LRBA: variants seen among roughly 807,000 people sequenced by gnomAD.
The protein encoded by LRBA is LPS responsive beige-like anchor protein.
In LRBA, 176 loss-of-function variants were observed where a neutral mutation model predicts 330.0. The observed-to-expected ratio is 0.53, with a 90% CI of 0.47 to 0.60. The LOEUF (loss-of-function observed/expected upper bound fraction) is 0.60. Ranked by LOEUF, LRBA falls within the 20% of genes least tolerant of loss-of-function variation. The pLI, the probability that LRBA is intolerant of heterozygous loss-of-function variation, is 0.00. For synonymous variants in LRBA, 1,230 were observed against 1,193.0 expected, an observed-to-expected ratio of 1.03 and a Z score of -0.64; for missense variants, 3,259 against 3,444.8, an observed-to-expected ratio of 0.95 and a Z score of 1.35.
intron 40 of LRBA, among the ~76,000 whole-genome samples, chr4:150,563,784 AT>A (rs534982396): frequency 7.8e-4 from 119 of 152,274 alleles, no homozygotes; most frequent in African/African-American, 2.5e-3. Flanking sequence ...CCCATTCACA[AT>A]TGCAACAAAG....
chr4:150,643,029 T>C (rs1778827345), intron 37 of LRBA, among the ~76,000 whole-genome samples: 1 of 151,904 alleles, frequency 6.6e-6, no homozygotes, highest in Non-Finnish European at 1.5e-5. Context: ...CATAAAAATT[T>C]TGTACATAGA....
intron 44 of LRBA, among the ~76,000 whole-genome samples, chr4:150,459,498 C>T (rs141314138): frequency 6.6e-6 from 1 of 151,978 alleles, no homozygotes; most frequent in East Asian, 1.9e-4. Context: ...GTGTGACCTC[C>T]CAGAATTCTT....
intron 53 of LRBA, among the ~76,000 whole-genome samples, chr4:150,292,423 T>A (rs537465329): frequency 5.9e-5 from 9 of 152,208 alleles, no homozygotes; most frequent in Admixed American, 2.6e-4. Flanking sequence ...CACTTGTAGG[T>A]TAAATATGTT....
At chr4:150,735,631 T>C (rs1306162496) in intron 35 of LRBA, among the ~76,000 whole-genome samples, 9 of 152,206 alleles carry the variant, frequency 5.9e-5, no homozygotes, top group Non-Finnish European at 1.3e-4. Flanking sequence ...TGTTTTAATC[T>C]TTTAAAATGC....
intron 28 of LRBA, among the ~76,000 whole-genome samples, chr4:150,836,745 G>A (rs1199060489): frequency 6.6e-6 from 1 of 152,056 alleles, no homozygotes; most frequent in African/African-American, 2.4e-5. Context: ...CAAAAAACCA[G>A]CTCCTGGATT....
intron 14 of LRBA, among the ~76,000 whole-genome samples, chr4:150,899,259 CTGAATT>C (rs1418768074): frequency 6.6e-6 from 1 of 152,174 alleles, no homozygotes; most frequent in Non-Finnish European, 1.5e-5. Flanking sequence ...TGCTCTTACA[CTGAATT>C]TAAGTTGTTA....
chr4:150,504,152 A>G (rs962282902), intron 40 of LRBA, among the ~76,000 whole-genome samples: 17 of 152,228 alleles, frequency 1.1e-4, no homozygotes, highest in Non-Finnish European at 1.6e-4. Flanking sequence ...AATGGAACCA[A>G]GTTGGAAAAC....
chr4:150,841,830 G>C (rs1008036095), intron 28 of LRBA, among the ~76,000 whole-genome samples: 14 of 151,850 alleles, frequency 9.2e-5, no homozygotes, highest in African/African-American at 3.4e-4. Flanking sequence ...TTCTGCTTTT[G>C]TATTTTTAGT....
rs1749405802 is a variant in LRBA at position 150,451,111 on chromosome 4, A to G, written c.6781-14247T>C. Among the ~76,000 whole-genome samples, 2 of 152,204 alleles carry G rather than the reference A, an allele frequency of 1.3e-5. 1 individual carries two copies. ...GAAAATATAGACAAATCTAACTTAT[A>G]GTTGGAGACTTCAACACTCTTCTTT... On this transcript the variant is annotated intron_variant, in intron 44 of 56. Transcript: ENST00000651943.
At chr4:150,418,402 C>A (rs2656309) in intron 46 of LRBA, among the ~76,000 whole-genome samples, 2,745 of 152,136 alleles carry the variant, frequency 0.018, 75 homozygotes, top group African/African-American at 0.063. Flanking sequence ...AGCAAAACCA[C>A]CCATAAAACA....
In LRBA at chr4:150,361,879, C is replaced by T. The variant is rs113642898; in HGVS notation, c.7195-11720G>A. ...TCCGCCTCCCGGGTTCATGCCCATT[C>T]TCCTGCCTCAGTTTCCTGAGTAGCT... On this transcript the variant is annotated intron_variant, in intron 47 of 56. Transcript: ENST00000651943. 6.6e-3 allele frequency among the ~76,000 whole-genome samples: 997 copies of T among 151,374 alleles called. 8 individuals carry two copies. Among genetic ancestry groups the T allele is most frequent in the African/African-American group, 0.023 (953 of 41,246 alleles).
intron 40 of LRBA, among the ~76,000 whole-genome samples, chr4:150,560,613 A>G (rs1420932852): frequency 6.6e-6 from 1 of 152,204 alleles, no homozygotes; most frequent in Non-Finnish European, 1.5e-5. Context: ...TCTGTAGTTC[A>G]ATCATTATGA....
chr4:150,912,452 G>A (rs773946643), intron 9 of LRBA, among the ~76,000 whole-genome samples: 4 of 152,176 alleles, frequency 2.6e-5, no homozygotes, highest in Non-Finnish European at 4.4e-5. Context: ...GGATGGAACC[G>A]TCTAGTTGCA....
Position 150,897,779 on chromosome 4 carries a change from C to T in LRBA, c.1964G>A (p.Arg655Gln), listed in dbSNP as rs542115160. ...CTTAATGAACATCAACAAGAATGCT[C>T]GTAGAGAAAGCATTTCTTTTTGATT... ...RPNQKEMLSL[R>Q]AFLLMFIKQL... Residue 655 changes from arginine (R) to glutamine (Q), a missense_variant, in exon 15 of 57, where the codon CGA becomes CAA. Coordinates refer to ENST00000651943, the MANE Select transcript of LRBA (RefSeq NM_001364905.1). The T allele has an allele frequency of 3.7e-6, 6 of 1,612,104 alleles. No individual in the cohort carries two copies. Among genetic ancestry groups the T allele is most frequent in the African/African-American group, 1.3e-5 (1 of 74,944 alleles).
chr4:150,408,012 C>T (rs1301225375), intron 47 of LRBA, among the ~76,000 whole-genome samples: 1 of 151,508 alleles, frequency 6.6e-6, no homozygotes, highest in African/African-American at 2.4e-5. Flanking sequence ...GTAAACTAAA[C>T]CCAAAGCAAG....
At chr4:150,733,570 TCTCTCTCACA>T (rs1268421525) in intron 36 of LRBA, among the ~76,000 whole-genome samples, 16 of 53,302 alleles carry the variant, frequency 3.0e-4, no homozygotes, top group Middle Eastern at 0.014. Context: ...TCTCTCTCTC[TCTCTCTCACA>T]CACACACACA....
At chr4:150,284,266 C>A (rs548384427) in intron 54 of LRBA, among the ~76,000 whole-genome samples, 2 of 152,072 alleles carry the variant, frequency 1.3e-5, no homozygotes, top group Non-Finnish European at 2.9e-5. Flanking sequence ...TATTTCATGA[C>A]ATTGAAAGCA....
intron 2 of LRBA, among the ~76,000 whole-genome samples, chr4:151,011,823 T>C (rs1744881780): frequency 1.3e-5 from 2 of 151,922 alleles, no homozygotes. Context: ...CACAGGTATA[T>C]GCCACCATGC....
chr4:150,422,923 G>T, intron 46 of LRBA: 2 of 801,728 alleles, frequency 2.5e-6, no homozygotes, highest in Non-Finnish European at 4.5e-6. Context: ...ATGGATGCCA[G>T]CTCTGTACAA....
Sources: gnomAD v4.1 joint callset for allele counts (sites outside exome capture counted in the v4.1 genomes callset) on GRCh38, gnomAD v4.1.1 for gene constraint, MANE v1.5 for transcripts, NCBI Gene and HGNC (gene_info 2026-07-23, HGNC 2026-07-21) for gene names.